Variants in FAAP20 observed in about 807,000 individuals in gnomAD.
FAAP20 encodes Fanconi anemia core complex-associated protein 20.
FAAP20 carries 12 observed loss-of-function variants against 16.2 expected under a neutral mutation model. The observed-to-expected ratio is 0.74, with a 90% CI of 0.48 to 1.20. The LOEUF is 1.20. Among genes scored for constraint, FAAP20 ranks in the 50% most tolerant of loss-of-function variants. The pLI is 0.00. For synonymous variants in FAAP20, 141 were observed against 110.7 expected (o/e 1.27, Z -1.72); for missense variants, 288 against 245.8 (o/e 1.17, Z -1.15).
upstream of FAAP20, chr1:2,199,297 C>G (rs1051033341): frequency 2.9e-5 from 31 of 1,060,542 alleles, no homozygotes; most frequent in Non-Finnish European, 3.4e-5. This position sits in a 1 kb window ranked among gnomAD's most constrained non-coding sequence, Gnocchi z 4.5. Flanking sequence ...CCCCACGTGT[C>G]GGGCTCAGCT....
At chr1:2,208,472 G>A (rs1378272453), downstream of FAAP20, among the ~76,000 whole-genome samples, 1 of 152,142 alleles carries the variant, frequency 6.6e-6, no homozygotes, top group African/African-American at 2.4e-5. Flanking sequence ...ATGGCGACAA[G>A]AGCCCGCAGG....
chr1:2,206,830 CA>C lies in FAAP20; in HGVS notation n.179-164del, dbSNP rs57221891. The stretch of plus-strand genomic sequence containing the variant: ...CCTGGGCAACGGAGCGAGACTGTCT[CA>C]AAAAAAAAAAAAAAAAAGGCTCTGG... On this transcript the variant is annotated intron_variant and non_coding_transcript_variant, in intron 1 of 7. Coordinates refer to the FAAP20 transcript ENST00000469733. Among the ~76,000 whole-genome samples the C allele has an allele frequency of 9.4e-3, 845 of 89,812 alleles. 3 individuals are homozygous for C. The highest frequency in any genetic ancestry group is 0.022 in the African/African-American group (499 of 23,002). 58.9% of individuals were successfully genotyped at this position (89,812 alleles called of 152,430 possible).
At chr1:2,184,551 G>C, downstream of FAAP20, 2 of 1,570,702 alleles carry the variant, frequency 1.3e-6, no homozygotes, top group Non-Finnish European at 1.7e-6. Context: ...ATGCCCGCGC[G>C]GAGCTGACCC....
downstream of FAAP20, among the ~76,000 whole-genome samples, chr1:2,208,198 G>T (rs936437132): frequency 6.6e-6 from 1 of 152,044 alleles, no homozygotes; most frequent in African/African-American, 2.4e-5. Context: ...TGGCCCTAGG[G>T]CCTGGGCTTC....
downstream of FAAP20, chr1:2,184,607 C>T: frequency 1.2e-6 from 2 of 1,614,014 alleles, no homozygotes; most frequent in Non-Finnish European, 1.7e-6. Flanking sequence ...GGCGCTCCCT[C>T]CATTCCAGCC....
At chr1:2,207,808 A>G (rs577206378), downstream of FAAP20, 11 of 152,320 alleles carry the variant, frequency 7.2e-5, no homozygotes, top group Admixed American at 2.0e-4. Context: ...GCCCTCCCCC[A>G]GCCTGCTGGA....
intron 3 of FAAP20, 157 bp from the exon 4 acceptor site, chr1:2,189,938 G>T: frequency 1.5e-6 from 1 of 660,720 alleles, no homozygotes; most frequent in Non-Finnish European, 2.8e-6. Flanking sequence ...TCATGCACCC[G>T]GCAGACCACG....
At chr1:2,197,963 A>G, upstream of FAAP20, 1 of 1,270,780 alleles carries the variant, frequency 7.9e-7, no homozygotes, top group Non-Finnish European at 1.0e-6. Context: ...CGGCCACTCA[A>G]GACTCTCAAG....
At chr1:2,211,373 G>A (rs1334480359), downstream of FAAP20, among the ~76,000 whole-genome samples, 1 of 116,580 alleles carries the variant, frequency 8.6e-6, no homozygotes, top group Non-Finnish European at 1.7e-5. Flanking sequence ...GGGATTACAG[G>A]TACCTGCCAC....
At chr1:2,186,898 ATATG>A, downstream of FAAP20, 1 of 202,026 alleles carries the variant, frequency 4.9e-6, no homozygotes, top group South Asian at 5.9e-5. Context: ...CTTGTACACA[ATATG>A]TGAGTAATGC....
upstream of FAAP20, chr1:2,201,210 G>A (rs962309887): frequency 3.7e-5 from 45 of 1,218,160 alleles, no homozygotes; most frequent in East Asian, 1.2e-4. Flanking sequence ...TCCATCCAAC[G>A]CCTCCCTCGC....
At position 2,194,666 on chromosome 1, in the gene FAAP20, CCCG is replaced by C. The variant is rs1467524521; in HGVS notation, c.62+19_62+21del. ...TGGGAGCGGGAAAACCGGCCGCGCC[CCCG>C]CCCGGCTCCCGGCCTCACCCGCCCG... is the stretch of plus-strand genomic sequence containing the variant. On this transcript the variant is annotated intron_variant, in intron 1 of 3. Transcript: ENST00000378546. 2 of 1,135,656 alleles carry C rather than the reference CCCG, an allele frequency of 1.8e-6. No individual in the cohort carries two copies. The highest frequency in any genetic ancestry group is 2.2e-6 in the Non-Finnish European group (2 of 925,526). 70.3% of individuals were successfully genotyped at this position (1,135,656 alleles called of 1,614,324 possible).
chr1:2,211,596 C>T (rs1464185980), downstream of FAAP20, among the ~76,000 whole-genome samples: 15 of 147,098 alleles, frequency 1.0e-4, no homozygotes, highest in South Asian at 4.4e-4. Flanking sequence ...TACAGGCACC[C>T]GCCACCACGC....
chr1:2,184,655 A>G, downstream of FAAP20: 2 of 1,614,034 alleles, frequency 1.2e-6, no homozygotes, highest in Non-Finnish European at 1.7e-6. Context: ...CAACTTTGAC[A>G]CACAGTTCAC....
downstream of FAAP20, among the ~76,000 whole-genome samples, chr1:2,211,765 A>G (rs879637812): frequency 1.5e-4 from 21 of 142,172 alleles, no homozygotes; most frequent in Non-Finnish European, 3.0e-4. Flanking sequence ...TTATATTTTT[A>G]TTAGAGACGG....
At chr1:2,193,602 T>C (rs201582904) in intron 3 of FAAP20, 37 bp downstream of exon 3, 307 of 1,577,694 alleles carry the variant, frequency 1.9e-4, no homozygotes, top group Non-Finnish European at 2.4e-4. Context: ...CAAACACGGA[T>C]GGATAACCGG....
At chr1:2,209,195 C>A (rs997524977), downstream of FAAP20, among the ~76,000 whole-genome samples, 8 of 152,166 alleles carry the variant, frequency 5.3e-5, no homozygotes, top group Non-Finnish European at 1.0e-4. Flanking sequence ...ATGCATCCTG[C>A]AGGGACCAAG....
chr1:2,205,056 G>T (rs1301853354), intron 3 of FAAP20, among the ~76,000 whole-genome samples: 5 of 46,884 alleles, frequency 1.1e-4, no homozygotes, highest in Admixed American at 4.9e-4. Flanking sequence ...CTCACGCCCC[G>T]TCCCCAAGCC....
downstream of FAAP20, among the ~76,000 whole-genome samples, chr1:2,210,348 G>A (rs534651441): frequency 3.9e-5 from 6 of 152,324 alleles, no homozygotes; most frequent in South Asian, 2.1e-4. Context: ...GGGTGCTGGC[G>A]GGACAGGGGG....
Sources: gnomAD v4.1 joint callset for allele counts (sites outside exome capture counted in the v4.1 genomes callset) on GRCh38, gnomAD v4.1.1 for gene constraint, Gnocchi (gnomAD v3.1) non-coding constraint, MANE v1.5 for transcripts, NCBI Gene and HGNC (gene_info 2026-07-23, HGNC 2026-07-21) for gene names.